Variants in GSG1L2 observed in about 807,000 individuals in gnomAD.
GSG1L2 encodes the protein GSG1 like 2.
GSG1L2 carries 15 observed loss-of-function variants against 9.0 expected under a neutral mutation model. That is an observed-to-expected ratio of 1.67 (90% CI 1.12 to 2.57). The LOEUF (loss-of-function observed/expected upper bound fraction) is 2.57. Ranked by LOEUF, GSG1L2 falls within the 30% of genes most tolerant of loss-of-function variation. The pLI is 0.00. For synonymous variants in GSG1L2, 127 were observed against 57.9 expected (o/e 2.19, Z -5.41); for missense variants, 286 against 150.3 (o/e 1.90, Z -4.72).
At chr17:9,818,980 C>G (rs975109525) in intron 1 of GSG1L2, among the ~76,000 whole-genome samples, 3 of 152,174 alleles carry the variant, frequency 2.0e-5, no homozygotes, top group Non-Finnish European at 4.4e-5. Flanking sequence ...CTGTGCCTGA[C>G]AAGGAAATGA....
Position 9,802,229 on chromosome 17 carries a change from C to T in GSG1L2, c.*157G>A, listed in dbSNP as rs377475471. On this transcript the variant is annotated 3_prime_UTR_variant, in exon 5 of 5. Coordinates refer to ENST00000399363, the MANE Select transcript of GSG1L2 (RefSeq NM_001310219.2). ...TTTAACAGGAATCAAAGGCTAAAGC[C>T]AAAGGTGTTTAGTAAAAGGTGAGAT... Among the ~76,000 whole-genome samples the T allele has an allele frequency of 2.8e-4, 43 of 152,056 alleles. No homozygotes were observed. In the East Asian group the frequency reaches 5.4e-3, roughly 19 times the overall value.
intron 4 of GSG1L2, among the ~76,000 whole-genome samples, chr17:9,806,252 G>A (rs2066515796): frequency 6.6e-6 from 1 of 152,078 alleles, no homozygotes; most frequent in African/African-American, 2.4e-5. Flanking sequence ...CTTCAGGCAG[G>A]CTTTGAGAGC....
chr17:9,817,042 T>C (rs2066570532), intron 1 of GSG1L2, among the ~76,000 whole-genome samples: 1 of 151,760 alleles, frequency 6.6e-6, no homozygotes, highest in African/African-American at 2.4e-5. Flanking sequence ...TTTCAGCTCG[T>C]TTTAGGCTGA....
At position 9,807,659 on chromosome 17, in the gene GSG1L2, A is replaced by C; in HGVS notation, c.512-58T>G. 4 of 701,398 alleles carry C rather than the reference A, an allele frequency of 5.7e-6. No individual in the cohort carries two copies. In the South Asian group the frequency reaches 5.9e-5, roughly 10 times the overall value. 43.4% of individuals were successfully genotyped at this position (701,398 alleles called of 1,614,324 possible). ...AGAAGACACATGATGGAAGAACTCT[A>C]CGCGGTGTGAGTTGGCTGTAAGGAG... On this transcript the variant is annotated intron_variant, in intron 3 of 4. Coordinates refer to ENST00000399363, the MANE Select transcript of GSG1L2 (RefSeq NM_001310219.2).
chr17:9,808,975 C>T lies in GSG1L2; in HGVS notation c.366G>A (p.Leu122=). 1 of 703,064 alleles carries T rather than the reference C, an allele frequency of 1.4e-6. No homozygotes were observed. Among genetic ancestry groups the T allele is most frequent in the East Asian group, 2.7e-5 (1 of 37,288 alleles). 43.6% of individuals were successfully genotyped at this position (703,064 alleles called of 1,614,324 possible). A position where few individuals can be genotyped will look rare whatever the true frequency, so the allele number is the denominator to read the frequency against. ...GGACCTCGCCCCCGATGGACAGCCA[C>T]AAAACACCTGCCAAAGAACGGGATG... ...SVVPAEEQGV[L]WLSIGGEVLD... is the part of the protein sequence containing the mutation. Residue 122 remains leucine, a synonymous_variant, in exon 3 of 5, where the codon TTG becomes TTA. Transcript: ENST00000399363.
rs140734725 is a variant in GSG1L2 at position 9,814,957 on chromosome 17, G to C, written c.311-4339C>G. On this transcript the variant is annotated intron_variant, in intron 1 of 4. Coordinates refer to ENST00000399363, the MANE Select transcript of GSG1L2 (RefSeq NM_001310219.2). ...TCACCTAAGGAAAAGAACATTTCGC[G>C]TAAGTGCTGCCTGGGCCAGGAACTG... is the stretch of plus-strand genomic sequence containing the variant. Among the ~76,000 whole-genome samples, 211 of 152,308 alleles carry C rather than the reference G, an allele frequency of 1.4e-3. 1 individual carries two copies. The highest frequency in any genetic ancestry group is 4.4e-3 in the African/African-American group (184 of 41,550).
chr17:9,819,905 G>A (rs72822140), intron 1 of GSG1L2, among the ~76,000 whole-genome samples: 19,451 of 151,646 alleles, frequency 0.13, 1,421 homozygotes, highest in South Asian at 0.22. Context: ...GAGCCACCAC[G>A]CCTGGCCTGT....
At chr17:9,816,809 C>G (rs998599646) in intron 1 of GSG1L2, among the ~76,000 whole-genome samples, 12 of 144,140 alleles carry the variant, frequency 8.3e-5, no homozygotes, top group African/African-American at 3.2e-4. Flanking sequence ...GTATGTGTGT[C>G]TGTTGTATCT....
intron 2 of GSG1L2, chr17:9,810,217 T>C (rs1177780421): frequency 6.2e-6 from 2 of 321,296 alleles, no homozygotes; most frequent in Non-Finnish European, 1.1e-5. Flanking sequence ...AAAACTGCTC[T>C]AGGCAGTGGT....
chr17:9,806,429 G>C (rs17742798), intron 4 of GSG1L2, among the ~76,000 whole-genome samples: 3,978 of 152,314 alleles, frequency 0.026, 68 homozygotes, highest in Non-Finnish European at 0.042. Flanking sequence ...GGAATTGATA[G>C]ATTGTTACGC....
chr17:9,807,120 A>G (rs1391758350), intron 4 of GSG1L2, among the ~76,000 whole-genome samples: 1 of 152,184 alleles, frequency 6.6e-6, no homozygotes, highest in Non-Finnish European at 1.5e-5. Flanking sequence ...TTGTCTTTGC[A>G]TTAGAAACAG....
At chr17:9,806,028 G>A (rs1310218261) in intron 4 of GSG1L2, among the ~76,000 whole-genome samples, 1 of 152,282 alleles carries the variant, frequency 6.6e-6, no homozygotes, top group East Asian at 1.9e-4. Context: ...GCAAGTGCCT[G>A]AGAGGTGGCC....
At chr17:9,809,221 A>G (rs2066528860) in intron 2 of GSG1L2, 1 of 494,216 alleles carries the variant, frequency 2.0e-6, no homozygotes, top group Non-Finnish European at 3.7e-6. Flanking sequence ...GGGCGGGGAA[A>G]CTAAGCAAAA....
At chr17:9,818,449 T>A (rs935202144) in intron 1 of GSG1L2, among the ~76,000 whole-genome samples, 1 of 150,498 alleles carries the variant, frequency 6.6e-6, no homozygotes, top group Non-Finnish European at 1.5e-5. Context: ...TTCTCCTGCC[T>A]CAGCCTTCCA....
At chr17:9,814,125 AG>A (rs1345140259) in intron 1 of GSG1L2, among the ~76,000 whole-genome samples, 2 of 152,128 alleles carry the variant, frequency 1.3e-5, no homozygotes, top group African/African-American at 2.4e-5. Context: ...TAGTAGAGAC[AG>A]GGTTTCACCA....
intron 4 of GSG1L2, among the ~76,000 whole-genome samples, chr17:9,806,627 A>C (rs2066517147): frequency 6.6e-6 from 1 of 152,198 alleles, no homozygotes; most frequent in Non-Finnish European, 1.5e-5. Flanking sequence ...CAAATTGGCC[A>C]CGGTTGAGAA....
At chr17:9,808,325 T>C (rs1414553766) in intron 3 of GSG1L2, among the ~76,000 whole-genome samples, 1 of 152,222 alleles carries the variant, frequency 6.6e-6, no homozygotes, top group East Asian at 1.9e-4. Context: ...TTTATTTTTA[T>C]GGAATATTTG....
intron 1 of GSG1L2, among the ~76,000 whole-genome samples, chr17:9,816,460 G>GTGCA (rs2066561325): frequency 7.6e-6 from 1 of 130,740 alleles, no homozygotes; most frequent in African/African-American, 3.0e-5. Flanking sequence ...GTCTGTGTGT[G>GTGCA]CGTCCGTGTG....
chr17:9,805,129 A>G (rs1281954298), intron 4 of GSG1L2: 1 of 152,164 alleles, frequency 6.6e-6, no homozygotes, highest in Non-Finnish European at 1.5e-5. Flanking sequence ...AATAAACCCA[A>G]AAGACCTAAT....
Sources: allele counts gnomAD v4.1 joint callset (sites outside exome capture counted in the v4.1 genomes callset), GRCh38; gene constraint gnomAD v4.1.1; transcripts MANE v1.5; gene names NCBI Gene and HGNC (gene_info 2026-07-23, HGNC 2026-07-21).